The following ROBO1 variants were observed in gnomAD, a reference collection of about 807,000 sequenced individuals.
ROBO1 encodes roundabout homolog 1.
Under a neutral mutation model 195.9 loss-of-function variants are expected in ROBO1, and 149 were observed. That is an observed-to-expected ratio of 0.76 (90% CI 0.67 to 0.87). The LOEUF is 0.87. ROBO1 is among the 40% of genes least tolerant of loss of function. The pLI, the probability that ROBO1 is intolerant of heterozygous loss-of-function variation, is 0.00. For synonymous variants in ROBO1, 816 were observed against 733.2 expected (o/e 1.11, Z -1.82); for missense variants, 1,933 against 2,068.3 (o/e 0.93, Z 1.27).
chr3:79,474,757 AT>A (rs1274983142), intron 2 of ROBO1, among the ~76,000 whole-genome samples: 3 of 152,116 alleles, frequency 2.0e-5, no homozygotes, highest in African/African-American at 7.2e-5. Context: ...TATATAATAC[AT>A]TTAAAGACTC....
At position 78,725,410 on chromosome 3, in the gene ROBO1, A is replaced by C. The variant is rs115272177; in HGVS notation, c.658-7527T>G. Among the ~76,000 whole-genome samples, 3 of 152,184 alleles carry C rather than the reference A, an allele frequency of 2.0e-5. No individual in the cohort carries two copies. In the South Asian group the frequency reaches 6.2e-4, roughly 32 times the overall value. ...GTTTTAGAGATGTCAAAATGTAAAA[A>C]TTCTTGATGTGTTTAATACATATGA... is the stretch of plus-strand genomic sequence containing the variant. On this transcript the variant is annotated intron_variant, in intron 5 of 30. Transcript: ENST00000464233.
At chr3:78,851,501 C>G (rs1470163844) in intron 4 of ROBO1, among the ~76,000 whole-genome samples, 1 of 152,172 alleles carries the variant, frequency 6.6e-6, no homozygotes, top group Non-Finnish European at 1.5e-5. Context: ...GGATATTATA[C>G]TCCATGGAGA....
chr3:79,331,440 A>C (rs2034434880), intron 2 of ROBO1, among the ~76,000 whole-genome samples: 1 of 152,248 alleles, frequency 6.6e-6, no homozygotes, highest in South Asian at 2.1e-4. Flanking sequence ...GTAATATTTA[A>C]AACAAGCCAT....
At chr3:79,170,424 C>G (rs2081146018) in intron 2 of ROBO1, among the ~76,000 whole-genome samples, 1 of 152,116 alleles carries the variant, frequency 6.6e-6, no homozygotes, top group African/African-American at 2.4e-5. Flanking sequence ...GTAAAGCAAA[C>G]ATACCAACAT....
intron 14 of ROBO1, 46 bp downstream of exon 14, chr3:78,667,837 T>C: frequency 6.4e-7 from 1 of 1,563,492 alleles, no homozygotes; most frequent in Admixed American, 1.7e-5. Flanking sequence ...AATTATAACA[T>C]CTAAGGATAA....
intron 2 of ROBO1, among the ~76,000 whole-genome samples, chr3:79,291,424 A>T (rs745545466): frequency 8.5e-5 from 13 of 152,136 alleles, no homozygotes; most frequent in Non-Finnish European, 1.6e-4. Flanking sequence ...TTCACCTGGT[A>T]ATTTCAAAAA....
intron 2 of ROBO1, among the ~76,000 whole-genome samples, chr3:79,514,813 A>G (rs1284684336): frequency 2.6e-5 from 4 of 152,162 alleles, no homozygotes; most frequent in African/African-American, 9.7e-5. Flanking sequence ...ATAAACACTT[A>G]AGTATTATGA....
chr3:78,875,949 T>C (rs769880221), intron 4 of ROBO1, among the ~76,000 whole-genome samples: 81 of 152,070 alleles, frequency 5.3e-4, no homozygotes, highest in Non-Finnish European at 9.4e-4. Flanking sequence ...AAAAGAACTA[T>C]ATCAGCATAG....
At chr3:78,830,228 G>A (rs933910704) in intron 4 of ROBO1, among the ~76,000 whole-genome samples, 3 of 152,188 alleles carry the variant, frequency 2.0e-5, no homozygotes, top group Admixed American at 6.5e-5. Context: ...ACATTTCTCA[G>A]CATCAAATTA....
At chr3:79,708,509 AAT>A (rs1362605548) in intron 1 of ROBO1, among the ~76,000 whole-genome samples, 3 of 152,180 alleles carry the variant, frequency 2.0e-5, no homozygotes, top group Admixed American at 6.6e-5. Context: ...ATCCTAAGAG[AAT>A]AGCAGTAAAA....
At chr3:78,656,336 G>A (rs1575853410) in intron 18 of ROBO1, among the ~76,000 whole-genome samples, 1 of 139,264 alleles carries the variant, frequency 7.2e-6, no homozygotes, top group African/African-American at 2.6e-5. Flanking sequence ...ATTGAAGTTT[G>A]CTTATTTGAT....
chr3:79,069,591 C>T (rs1030851943), intron 3 of ROBO1, among the ~76,000 whole-genome samples: 3 of 151,908 alleles, frequency 2.0e-5, no homozygotes, highest in African/African-American at 7.2e-5. Flanking sequence ...ATTTGGCCTA[C>T]GCCTACCACT....
intron 8 of ROBO1, among the ~76,000 whole-genome samples, chr3:78,710,411 ATTC>A (rs2081654744): frequency 6.6e-6 from 1 of 152,196 alleles, no homozygotes; most frequent in Non-Finnish European, 1.5e-5. Context: ...AGTACTTCAG[ATTC>A]TTCATTTACA....
At chr3:78,711,386 C>T (rs1969227) in intron 8 of ROBO1, among the ~76,000 whole-genome samples, 4,522 of 31,364 alleles carry the variant, frequency 0.14, 263 homozygotes, top group Middle Eastern at 0.22. Flanking sequence ...TTCCTTCCTT[C>T]CTTCCTTCCT....
intron 1 of ROBO1, among the ~76,000 whole-genome samples, chr3:79,608,681 G>A (rs1944563645): frequency 6.6e-6 from 1 of 151,888 alleles, no homozygotes; most frequent in Non-Finnish European, 1.5e-5. Flanking sequence ...TTGGCATCAT[G>A]TAAATAGGGC....
chr3:78,618,082 T>A (rs767360050), intron 26 of ROBO1, 41 bp from the exon 27 acceptor site: 7 of 1,540,766 alleles, frequency 4.5e-6, no homozygotes, highest in Admixed American at 4.2e-5. Flanking sequence ...CAGCTTGTTA[T>A]TTAAGACATA....
At chr3:78,845,013 T>C (rs1171609131) in intron 4 of ROBO1, among the ~76,000 whole-genome samples, 2 of 152,074 alleles carry the variant, frequency 1.3e-5, no homozygotes, top group Non-Finnish European at 2.9e-5. Flanking sequence ...GTCTTGTAGA[T>C]TGAAGAAAAA....
chr3:79,276,747 C>T (rs1191214439), intron 2 of ROBO1, among the ~76,000 whole-genome samples: 3 of 151,648 alleles, frequency 2.0e-5, no homozygotes, highest in Non-Finnish European at 4.4e-5. Context: ...ATAACAATAA[C>T]GTATAAGGAA....
chr3:79,580,698 C>T (rs1376712514), intron 2 of ROBO1, among the ~76,000 whole-genome samples: 1 of 151,654 alleles, frequency 6.6e-6, no homozygotes, highest in Non-Finnish European at 1.5e-5. Flanking sequence ...TATGTACATC[C>T]GCACACCCAT....
Sources: allele counts gnomAD v4.1 joint callset (sites outside exome capture counted in the v4.1 genomes callset), GRCh38; gene constraint gnomAD v4.1.1; transcripts MANE v1.5; gene names NCBI Gene and HGNC (gene_info 2026-07-23, HGNC 2026-07-21).